G2E3: variants seen among roughly 807,000 people sequenced by gnomAD.
G2E3 encodes G2/M phase-specific E3 ubiquitin-protein ligase.
Under a neutral mutation model 92.8 loss-of-function variants are expected in G2E3, and 35 were observed. The observed-to-expected ratio is 0.38, with a 90% CI of 0.29 to 0.50. G2E3 has a LOEUF of 0.50. G2E3 is among the 20% of genes least tolerant of loss of function. The pLI, the probability that G2E3 is intolerant of heterozygous loss-of-function variation, is 0.94. For missense variants in G2E3, 554 were observed against 823.8 expected, an observed-to-expected ratio of 0.67 and a Z score of 4.01; for synonymous variants, 242 against 272.4, an observed-to-expected ratio of 0.89 and a Z score of 1.10.
At chr14:30,566,022 T>A (rs758792167) in intron 1 of G2E3, among the ~76,000 whole-genome samples, 27 of 152,192 alleles carry the variant, frequency 1.8e-4, no homozygotes, top group Non-Finnish European at 5.9e-5. Flanking sequence ...AGAGACTGTT[T>A]TCTTCCCATT....
intron 1 of G2E3, among the ~76,000 whole-genome samples, chr14:30,579,967 TTCTTTGA>T (rs1182195146): frequency 4.1e-4 from 62 of 152,360 alleles, no homozygotes; most frequent in African/African-American, 1.4e-3. Flanking sequence ...TGGTCTTCTT[TTCTTTGA>T]TCTTTTAGAG....
At chr14:30,584,189 G>A (rs1487639734) in intron 2 of G2E3, among the ~76,000 whole-genome samples, 4 of 152,172 alleles carry the variant, frequency 2.6e-5, no homozygotes, top group Non-Finnish European at 5.9e-5. Flanking sequence ...TATTCATGCT[G>A]TAGCATGTAT....
chr14:30,574,618 C>G (rs1879966833), intron 1 of G2E3: 1 of 152,096 alleles, frequency 6.6e-6, no homozygotes, highest in South Asian at 2.1e-4. Context: ...TTGTTTCCTT[C>G]TTTGTGTTCA....
At chr14:30,582,470 A>G (rs1880485346) in intron 2 of G2E3, among the ~76,000 whole-genome samples, 1 of 152,192 alleles carries the variant, frequency 6.6e-6, no homozygotes, top group South Asian at 2.1e-4. Context: ...ATGGAAAACC[A>G]CAGGTCCACA....
chr14:30,605,917 TGTTCACTTTGTTA>T, intron 11 of G2E3, 105 bp downstream of exon 11: 2 of 530,730 alleles, frequency 3.8e-6, no homozygotes, highest in Admixed American at 7.5e-5. Flanking sequence ...CTAAATATAC[TGTTCACTTTGTTA>T]ATAAACTACT....
At chr14:30,573,025 G>T (rs1879859131) in intron 1 of G2E3, among the ~76,000 whole-genome samples, 1 of 151,662 alleles carries the variant, frequency 6.6e-6, no homozygotes, top group Admixed American at 6.6e-5. Context: ...TTGGATGGAG[G>T]TCTCACTATG....
chr14:30,604,778 C>CT lies in G2E3; in HGVS notation c.1011-720dup, dbSNP rs1439483628. 7.2e-5 allele frequency among the ~76,000 whole-genome samples: 11 copies of CT among 152,094 alleles called. No individual in the cohort carries two copies. In the East Asian group the frequency reaches 2.1e-3, roughly 29 times the overall value. On this transcript the variant is annotated intron_variant, in intron 10 of 14. Coordinates refer to ENST00000206595, the MANE Select transcript of G2E3 (RefSeq NM_017769.5). Reference sequence around the variant, plus strand: ...ATATAGTAAGGAGAGATTACATTTGCTTTTTTTAAAAAAGGACATAGTAAA... The same window carrying CT: ...ATATAGTAAGGAGAGATTACATTTGCTTTTTTTTAAAAAAGGACATAGTAAA...
intron 7 of G2E3, 25 bp from the exon 8 acceptor site, chr14:30,598,458 G>T: frequency 7.5e-7 from 1 of 1,341,566 alleles, no homozygotes; most frequent in Non-Finnish European, 1.1e-6. Flanking sequence ...ATAGGTCAAA[G>T]CATATTTTAT....
chr14:30,566,097 T>G (rs1406475571), intron 1 of G2E3, among the ~76,000 whole-genome samples: 1 of 152,232 alleles, frequency 6.6e-6, no homozygotes, highest in Non-Finnish European at 1.5e-5. Flanking sequence ...TTATTGACTC[T>G]TTCTTCTTTT....
intron 12 of G2E3, among the ~76,000 whole-genome samples, chr14:30,610,178 T>C (rs1347673837): frequency 1.3e-5 from 2 of 152,226 alleles, no homozygotes; most frequent in Non-Finnish European, 2.9e-5. Flanking sequence ...AGAAATACTA[T>C]GTATTCTGTA....
chr14:30,605,402 TAATC>T (rs1030549071), intron 10 of G2E3, 99 bp from the exon 11 acceptor site: 1 of 497,602 alleles, frequency 2.0e-6, no homozygotes, highest in African/African-American at 2.0e-5. Flanking sequence ...AATATCCTAT[TAATC>T]TTTTTTTCCC....
intron 1 of G2E3, among the ~76,000 whole-genome samples, chr14:30,575,829 A>G (rs768124129): frequency 9.9e-5 from 15 of 152,196 alleles, no homozygotes; most frequent in Non-Finnish European, 1.6e-4. Flanking sequence ...AAAGATCTCT[A>G]CAATGAGAAT....
At chr14:30,602,414 T>C (rs1881615549) in intron 10 of G2E3, among the ~76,000 whole-genome samples, 1 of 151,896 alleles carries the variant, frequency 6.6e-6, no homozygotes, top group African/African-American at 2.4e-5. Flanking sequence ...ATCCTAATTA[T>C]TTTTTTGTGT....
intron 4 of G2E3, among the ~76,000 whole-genome samples, chr14:30,591,404 A>G (rs930357436): frequency 4.6e-5 from 7 of 152,172 alleles, no homozygotes; most frequent in African/African-American, 4.8e-5. Context: ...AGTTAGCGGC[A>G]CTGGTAGTAT....
At chr14:30,570,171 A>T (rs229184) in intron 1 of G2E3, among the ~76,000 whole-genome samples, 74,297 of 152,008 alleles carry the variant, frequency 0.49, 21,171 homozygotes, top group African/African-American at 0.79. Flanking sequence ...CTATGGTTTC[A>T]AATGAGAATT....
chr14:30,583,891 A>G (rs1274575384), intron 2 of G2E3, among the ~76,000 whole-genome samples: 1 of 152,168 alleles, frequency 6.6e-6, no homozygotes, highest in Non-Finnish European at 1.5e-5. Context: ...TACTTTAACT[A>G]TTTTGAGATA....
Position 30,589,423 on chromosome 14 carries a change from AAGG to A in G2E3, c.179_181del (p.Gly60del). ...ATTTGGCAGAGAGGCAAAGAAGAAGAAGGAGTTTATGGTTTTCTAATAGAAGAT... is the reference window on the plus strand; with the variant it reads ...ATTTGGCAGAGAGGCAAAGAAGAAGAAGTTTATGGTTTTCTAATAGAAGAT... On this transcript the variant is annotated inframe_deletion, in exon 4 of 15. Transcript: ENST00000206595. 6.2e-7 allele frequency: 1 copy of A among 1,605,284 alleles called. No individual in the cohort carries two copies.
intron 13 of G2E3, among the ~76,000 whole-genome samples, chr14:30,613,139 C>T (rs1348822039): frequency 6.6e-6 from 1 of 152,046 alleles, no homozygotes; most frequent in Admixed American, 6.6e-5. Context: ...TATCTCCTTA[C>T]ACTCTTACAA....
chr14:30,590,510 C>T, intron 4 of G2E3: 1 of 366,216 alleles, frequency 2.7e-6, no homozygotes, highest in Non-Finnish European at 5.4e-6. Context: ...CTGCCCCTGT[C>T]CATGTCCCAC....
Sources: allele counts gnomAD v4.1 joint callset (sites outside exome capture counted in the v4.1 genomes callset), GRCh38; gene constraint gnomAD v4.1.1; transcripts MANE v1.5; gene names NCBI Gene and HGNC (gene_info 2026-07-23, HGNC 2026-07-21).